TRIP12: variants seen among roughly 807,000 people sequenced by gnomAD.
TRIP12 encodes the protein thyroid hormone receptor interactor 12, also known as E3 ubiquitin-protein ligase TRIP12.
A neutral mutation model predicts 244.2 loss-of-function variants in TRIP12; 25 were observed. The ratio of observed to expected loss-of-function variants is 0.10; its 90% confidence interval spans 0.07 to 0.14. TRIP12 has a LOEUF of 0.14. TRIP12 is among the 10% of genes least tolerant of loss of function. TRIP12 has a pLI of 1.00. For synonymous variants in TRIP12, 905 were observed against 873.1 expected (o/e 1.04, Z -0.64); for missense variants, 1,677 against 2,486.4 (o/e 0.67, Z 6.92).
At chr2:229,858,298 G>A (rs540426013) in intron 4 of TRIP12, among the ~76,000 whole-genome samples, 1 of 152,312 alleles carries the variant, frequency 6.6e-6, no homozygotes, top group East Asian at 1.9e-4. Context: ...AGGAGGCGGA[G>A]GTTGCAGTGA....
At chr2:229,898,122 T>C (rs944148515) in intron 1 of TRIP12, among the ~76,000 whole-genome samples, 1 of 152,208 alleles carries the variant, frequency 6.6e-6, no homozygotes, top group Non-Finnish European at 1.5e-5. Context: ...GTTTCGGAAA[T>C]ACTGGTTTCC....
chr2:229,910,654 GT>G (rs1178918058), intron 1 of TRIP12, among the ~76,000 whole-genome samples: 1 of 152,014 alleles, frequency 6.6e-6, no homozygotes, highest in Non-Finnish European at 1.5e-5. Context: ...ATACTAGATG[GT>G]TAGAAGAGGC....
chr2:229,813,821 A>C (rs1329503904), intron 13 of TRIP12, 49 bp downstream of exon 13: 1 of 1,289,708 alleles, frequency 7.8e-7, no homozygotes, highest in African/African-American at 1.6e-5. Flanking sequence ...AAATTAAAAA[A>C]ATTAGTAATA....
intron 6 of TRIP12, among the ~76,000 whole-genome samples, chr2:229,833,444 A>G (rs901757711): frequency 6.6e-6 from 1 of 152,036 alleles, no homozygotes; most frequent in African/African-American, 2.4e-5. Context: ...CATGCCACCA[A>G]GTCTGGCTAA....
intron 2 of TRIP12, among the ~76,000 whole-genome samples, chr2:229,866,413 T>G (rs1365096160): frequency 6.6e-6 from 1 of 152,196 alleles, no homozygotes; most frequent in Admixed American, 6.5e-5. Context: ...ATTTACCTAT[T>G]GAGATGTTAT....
intron 6 of TRIP12, among the ~76,000 whole-genome samples, chr2:229,835,373 T>G (rs1278850877): frequency 1.3e-5 from 2 of 152,136 alleles, no homozygotes; most frequent in African/African-American, 4.8e-5. Context: ...TCCTCTTAGG[T>G]AAATAAATAG....
At chr2:229,892,750 C>T (rs2067683115) in intron 1 of TRIP12, among the ~76,000 whole-genome samples, 1 of 152,096 alleles carries the variant, frequency 6.6e-6, no homozygotes, top group Admixed American at 6.5e-5. Context: ...TCTCTAGTCC[C>T]AGCGACTTTC....
At chr2:229,857,655 G>A (rs953815844) in intron 4 of TRIP12, among the ~76,000 whole-genome samples, 1 of 151,946 alleles carries the variant, frequency 6.6e-6, no homozygotes, top group Admixed American at 6.5e-5. Flanking sequence ...AAAAAGAAGG[G>A]AGGAAAGAAA....
In TRIP12 at chr2:229,871,841, T is replaced by G. The variant is rs138875076; in HGVS notation, c.98+8141A>C. Among the ~76,000 whole-genome samples the G allele has an allele frequency of 1.8e-3, 280 of 152,116 alleles. 3 individuals are homozygous for G. The highest frequency in any genetic ancestry group is 6.4e-3 in the African/African-American group (267 of 41,510). On this transcript the variant is annotated intron_variant, in intron 2 of 41. Transcript: ENST00000675903. ...AGTAGTCTTATAGAAGACAATTTTC[T>G]AGAAGAGTAAATATTTGAAAACATA... is the stretch of plus-strand genomic sequence containing the variant.
chr2:229,893,536 T>C (rs1202348403), intron 1 of TRIP12, among the ~76,000 whole-genome samples: 2 of 152,256 alleles, frequency 1.3e-5, no homozygotes, highest in African/African-American at 4.8e-5. Flanking sequence ...TAGAATTTTA[T>C]GTAAGTGGAA....
At position 229,767,557 on chromosome 2, in the gene TRIP12, G is replaced by T. The variant is rs1044956353; in HGVS notation, c.6201C>A (p.Ser2067=). 6 of 1,607,056 alleles carry T rather than the reference G, an allele frequency of 3.7e-6. No homozygotes were observed. The Admixed American group carries it at 5.1e-5, about 14-fold the overall frequency. The change falls in exon 42 of 42, where the codon TCC becomes TCA. Residue 2067 remains serine (S), a synonymous_variant. Coordinates refer to ENST00000675903, the MANE Select transcript of TRIP12 (RefSeq NM_001348323.3). ...GACACTGCATTTCTTGCTATGATCAGGAAAGATGGAACGACTGCTGCCCTT... is the reference window on the plus strand; with the variant it reads ...GACACTGCATTTCTTGCTATGATCATGAAAGATGGAACGACTGCTGCCCTT... The part of the protein sequence containing the change: ...AREGQQSFHL[S]
chr2:229,864,047 A>AGAGAGAGTGAGTGTGT, intron 2 of TRIP12, among the ~76,000 whole-genome samples: 35 of 79,294 alleles, frequency 4.4e-4, no homozygotes, highest in East Asian at 1.7e-3. Context: ...AGAGAGAGAG[A>AGAGAGAGTGAGTGTGT]GTGTGTGTGT....
chr2:229,874,794 C>T (rs999205518), intron 2 of TRIP12, among the ~76,000 whole-genome samples: 5 of 152,098 alleles, frequency 3.3e-5, no homozygotes, highest in Non-Finnish European at 7.4e-5. Flanking sequence ...TTTCCTGAAG[C>T]GTCCCAATTT....
chr2:229,806,026 A>G, intron 17 of TRIP12, 143 bp from the exon 18 acceptor site: 1 of 601,770 alleles, frequency 1.7e-6, no homozygotes. Context: ...AGATGGAATA[A>G]TAGTGTAGAT....
rs2075100477 is a variant in TRIP12, at chr2:229,915,007, C to T, written c.-50+6873G>A. ...GTGGTTCATTCTTGTAATACCAGCA[C>T]TTTGGGAGACCAAGGCGGGTGTATC... is the stretch of plus-strand genomic sequence containing the variant. On this transcript the variant is annotated intron_variant, in intron 1 of 41. Transcript: ENST00000675903. 2.0e-5 allele frequency among the ~76,000 whole-genome samples: 3 copies of T among 152,208 alleles called. No homozygotes were observed. The South Asian group carries it at 6.2e-4, about 31-fold the overall frequency.
chr2:229,833,268 T>TG (rs1253069756), intron 6 of TRIP12, among the ~76,000 whole-genome samples: 1 of 152,132 alleles, frequency 6.6e-6, no homozygotes, highest in Non-Finnish European at 1.5e-5. Flanking sequence ...TCCCAACCTT[T>TG]GGGGAGCCAC....
intron 4 of TRIP12, among the ~76,000 whole-genome samples, chr2:229,850,538 G>T (rs1559848054): frequency 6.6e-6 from 1 of 152,200 alleles, no homozygotes; most frequent in East Asian, 1.9e-4. Context: ...TGGTGAAACT[G>T]AAAGGTGACA....
rs556212458 is a variant in TRIP12 at position 229,919,985 on chromosome 2, G to A, written c.-50+1895C>T. On this transcript the variant is annotated intron_variant, in intron 1 of 41. Transcript: ENST00000675903. ...ACACTTAATATTGATCACTTTGCAT[G>A]TGGTAAATATGAAAATCAGCCTCAA... 3.3e-5 allele frequency among the ~76,000 whole-genome samples: 5 copies of A among 152,318 alleles called. No individual in the cohort carries two copies. The South Asian group carries it at 1.0e-3, about 32-fold the overall frequency.
In TRIP12 at chr2:229,802,469, A is replaced by G. The variant is rs1559504102; in HGVS notation, c.2999-10T>C. The G allele has an allele frequency of 6.2e-7, 1 of 1,601,872 alleles. No individual in the cohort carries two copies. Among genetic ancestry groups the G allele is most frequent in the Non-Finnish European group, 8.5e-7 (1 of 1,171,538 alleles). ...ACTTGATGCATTACACCTTTATAAT[A>G]ACAGAGATGAAAGGGAGTCAGTTTT... On this transcript the variant is annotated splice_polypyrimidine_tract_variant and intron_variant, in intron 20 of 41. Transcript: ENST00000675903.
Sources: allele counts gnomAD v4.1 joint callset (sites outside exome capture counted in the v4.1 genomes callset), GRCh38; gene constraint gnomAD v4.1.1; transcripts MANE v1.5; gene names NCBI Gene and HGNC (gene_info 2026-07-23, HGNC 2026-07-21).